CTNND2: variants seen among roughly 807,000 people sequenced by gnomAD.
CTNND2 encodes the protein catenin delta 2, also known as catenin delta-2.
A neutral mutation model predicts 144.4 loss-of-function variants in CTNND2; 22 were observed. The observed-to-expected ratio is 0.15, with a 90% CI of 0.11 to 0.22. The LOEUF (loss-of-function observed/expected upper bound fraction) is 0.22, where lower values mean the gene tolerates loss of function less well. Ranked by LOEUF, CTNND2 falls within the 10% of genes least tolerant of loss-of-function variation. The pLI is 1.00. For missense variants in CTNND2, 1,353 were observed against 1,618.8 expected (o/e 0.84, Z 2.82); for synonymous variants, 751 against 695.6 (o/e 1.08, Z -1.25).
chr5:11,551,993 A>ATCC (rs1357077654), intron 3 of CTNND2, among the ~76,000 whole-genome samples: 3 of 151,746 alleles, frequency 2.0e-5, no homozygotes, highest in Non-Finnish European at 4.4e-5. Context: ...GCCTCAAGTG[A>ATCC]TCCTGGCCTC....
intron 3 of CTNND2, among the ~76,000 whole-genome samples, chr5:11,476,695 T>C (rs1168309951): frequency 1.2e-4 from 19 of 152,168 alleles, no homozygotes; most frequent in Non-Finnish European, 2.4e-4. Flanking sequence ...ATACTAAATG[T>C]TCATGATTAT....
intron 12 of CTNND2, among the ~76,000 whole-genome samples, chr5:11,124,075 C>A (rs1315635476): frequency 1.3e-5 from 2 of 152,118 alleles, no homozygotes. Context: ...CATGTAATTA[C>A]CTGCTCAGAA....
At chr5:11,646,221 T>C (rs1010770521) in intron 2 of CTNND2, among the ~76,000 whole-genome samples, 1 of 152,202 alleles carries the variant, frequency 6.6e-6, no homozygotes, top group African/African-American at 2.4e-5. Flanking sequence ...ATATTTACCA[T>C]GTTATGTTCC....
At chr5:11,811,588 AGG>A (rs1792337274) in intron 1 of CTNND2, among the ~76,000 whole-genome samples, 1 of 152,214 alleles carries the variant, frequency 6.6e-6, no homozygotes, top group Non-Finnish European at 1.5e-5. Flanking sequence ...TTGTTTAGAC[AGG>A]GTCCAATGGA....
At chr5:11,173,950 G>A (rs1349476098) in intron 11 of CTNND2, among the ~76,000 whole-genome samples, 1 of 152,148 alleles carries the variant, frequency 6.6e-6, no homozygotes, top group African/African-American at 2.4e-5. Context: ...AAAAGAAGTG[G>A]GCAGGCAAGG....
chr5:11,761,244 C>T (rs1441832804), intron 1 of CTNND2, among the ~76,000 whole-genome samples: 1 of 152,124 alleles, frequency 6.6e-6, no homozygotes, highest in Admixed American at 6.6e-5. Context: ...GAGAACGATG[C>T]TAAATTTAAA....
chr5:11,817,584 G>A (rs1793058434), intron 1 of CTNND2, among the ~76,000 whole-genome samples: 1 of 151,968 alleles, frequency 6.6e-6, no homozygotes, highest in Admixed American at 6.5e-5. Flanking sequence ...AAGCGGAGGG[G>A]ACAGCTTTGC....
intron 2 of CTNND2, among the ~76,000 whole-genome samples, chr5:11,581,071 A>G (rs908720875): frequency 8.5e-5 from 13 of 152,166 alleles, no homozygotes. Flanking sequence ...ACTTCCAATA[A>G]TATAACTTAA....
intron 2 of CTNND2, among the ~76,000 whole-genome samples, chr5:11,598,787 A>T (rs746619133): frequency 6.6e-6 from 1 of 152,212 alleles, no homozygotes; most frequent in Non-Finnish European, 1.5e-5. Context: ...AGTGAAACTC[A>T]TTAACAGCTG....
intron 9 of CTNND2, among the ~76,000 whole-genome samples, chr5:11,271,489 C>T (rs1422245104): frequency 6.6e-6 from 1 of 152,038 alleles, no homozygotes; most frequent in Non-Finnish European, 1.5e-5. Context: ...TTGGGTATTT[C>T]CTTTCTTCCC....
At chr5:10,976,601 G>A (rs944730259) in intron 21 of CTNND2, among the ~76,000 whole-genome samples, 8 of 152,148 alleles carry the variant, frequency 5.3e-5, no homozygotes, top group African/African-American at 1.7e-4. Flanking sequence ...CGCTCTCTGC[G>A]CTCTGTTCCA....
At chr5:11,876,355 G>T (rs893526795) in intron 1 of CTNND2, among the ~76,000 whole-genome samples, 5 of 151,662 alleles carry the variant, frequency 3.3e-5, no homozygotes, top group African/African-American at 7.3e-5. Context: ...AAAGAGAAAA[G>T]AACGAAAAAG....
intron 1 of CTNND2, among the ~76,000 whole-genome samples, chr5:11,866,918 T>G (rs760256496): frequency 6.6e-6 from 1 of 152,216 alleles, no homozygotes; most frequent in Non-Finnish European, 1.5e-5. Context: ...TGACACCTTA[T>G]CACGAGCAGT....
At chr5:11,079,838 CAA>C (rs1157462085) in intron 16 of CTNND2, among the ~76,000 whole-genome samples, 1 of 152,086 alleles carries the variant, frequency 6.6e-6, no homozygotes, top group Non-Finnish European at 1.5e-5. Flanking sequence ...AAAATGGACT[CAA>C]GACTTAAATG....
In CTNND2 at chr5:11,855,129, G is replaced by C. The variant is rs189097479; in HGVS notation, c.37+48688C>G. Reference sequence around the variant, plus strand: ...AGCATAAAAAACCTGTAATGCCGGAGGGCAGCCTTAAACCAGGGATTAGCT... The same window carrying C: ...AGCATAAAAAACCTGTAATGCCGGACGGCAGCCTTAAACCAGGGATTAGCT... On this transcript the variant is annotated intron_variant, in intron 1 of 21. Coordinates refer to ENST00000304623, the MANE Select transcript of CTNND2 (RefSeq NM_001332.4). Among the ~76,000 whole-genome samples, 14 of 152,308 alleles carry C rather than the reference G, an allele frequency of 9.2e-5. No individual in the cohort carries two copies. The East Asian group carries it at 2.7e-3, about 29-fold the overall frequency.
chr5:11,348,437 C>CAAAAAA (rs3034056), intron 8 of CTNND2, among the ~76,000 whole-genome samples: 98 of 114,584 alleles, frequency 8.6e-4, no homozygotes, highest in East Asian at 2.0e-3. Flanking sequence ...AAATCAAGGG[C>CAAAAAA]AAAAAAAAAA....
chr5:11,591,068 T>C (rs1453416777), intron 2 of CTNND2, among the ~76,000 whole-genome samples: 1 of 152,244 alleles, frequency 6.6e-6, no homozygotes, highest in Non-Finnish European at 1.5e-5. Flanking sequence ...TTCCTGTTAA[T>C]GCATGTTTAA....
rs1354466295 is a variant in CTNND2, at chr5:11,434,714, G to A, written c.288-22645C>T. Among the ~76,000 whole-genome samples the A allele has an allele frequency of 2.0e-5, 3 of 152,054 alleles. No homozygotes were observed. The East Asian group carries it at 5.8e-4, about 29-fold the overall frequency. On this transcript the variant is annotated intron_variant, in intron 3 of 21. Transcript: ENST00000304623. The stretch of plus-strand genomic sequence containing the variant: ...AATGGTAGAATGTAGGTAGTAGAGG[G>A]CTTCCCCTTGTCAGATTCTTTCAAC...
At chr5:11,012,964 A>C (rs1028778899) in intron 18 of CTNND2, among the ~76,000 whole-genome samples, 6 of 152,202 alleles carry the variant, frequency 3.9e-5, no homozygotes, top group African/African-American at 1.4e-4. Context: ...GACATATTAG[A>C]ATTCAGCATG....
Sources: allele counts gnomAD v4.1 joint callset (sites outside exome capture counted in the v4.1 genomes callset), GRCh38; gene constraint gnomAD v4.1.1; transcripts MANE v1.5; gene names NCBI Gene and HGNC (gene_info 2026-07-23, HGNC 2026-07-21).